MAGI1: variants seen among roughly 807,000 people sequenced by gnomAD.
The protein encoded by MAGI1 is membrane-associated guanylate kinase, WW and PDZ domain-containing protein 1.
In MAGI1, 58 loss-of-function variants were observed where a neutral mutation model predicts 139.9. That is an observed-to-expected ratio of 0.41 (90% CI 0.34 to 0.52). The LOEUF is 0.52. Among genes scored for constraint, MAGI1 ranks in the 20% least tolerant of loss-of-function variants. The pLI is 0.12. For synonymous variants in MAGI1, 812 were observed against 737.9 expected (o/e 1.10, Z -1.63); for missense variants, 1,874 against 1,901.6 (o/e 0.99, Z 0.27).
intron 5 of MAGI1, among the ~76,000 whole-genome samples, chr3:65,460,584 A>T (rs931772176): frequency 1.3e-5 from 2 of 152,124 alleles, no homozygotes; most frequent in African/African-American, 4.8e-5. Context: ...TCAGGGATAC[A>T]TGTGCAGAAC....
At chr3:65,919,699 CTCT>C (rs2062082344) in intron 1 of MAGI1, among the ~76,000 whole-genome samples, 2 of 152,014 alleles carry the variant, frequency 1.3e-5, no homozygotes, top group African/African-American at 4.8e-5. Flanking sequence ...CTCTCTCTCT[CTCT>C]CTCTCTCACA....
chr3:65,947,833 G>T (rs923193757), intron 1 of MAGI1, among the ~76,000 whole-genome samples: 3 of 151,828 alleles, frequency 2.0e-5, no homozygotes, highest in Non-Finnish European at 4.4e-5. Context: ...ACCCAGGCTG[G>T]TCCCAAACCC....
intron 1 of MAGI1, among the ~76,000 whole-genome samples, chr3:65,625,822 C>T (rs557871716): frequency 2.6e-5 from 4 of 152,246 alleles, no homozygotes; most frequent in African/African-American, 9.6e-5. Flanking sequence ...AAGGATATTT[C>T]TAGTGTTTCT....
At chr3:65,622,486 G>C (rs946095309) in intron 1 of MAGI1, among the ~76,000 whole-genome samples, 15 of 152,110 alleles carry the variant, frequency 9.9e-5, no homozygotes, top group African/African-American at 3.1e-4. Flanking sequence ...CCAGGGATTC[G>C]AATGGTAGGA....
chr3:65,970,786 G>C (rs1427394194), intron 1 of MAGI1, among the ~76,000 whole-genome samples: 3 of 152,196 alleles, frequency 2.0e-5, no homozygotes, highest in Non-Finnish European at 4.4e-5. Context: ...GCAAGAGTCA[G>C]ATACATTAAG....
intron 2 of MAGI1, among the ~76,000 whole-genome samples, chr3:65,525,821 A>T (rs564047370): frequency 1.3e-5 from 2 of 152,338 alleles, no homozygotes; most frequent in East Asian, 3.9e-4. Context: ...TCACAATTGT[A>T]CAAGTATACA....
intron 2 of MAGI1, among the ~76,000 whole-genome samples, chr3:65,527,067 T>C (rs534437097): frequency 2.4e-4 from 36 of 152,356 alleles, no homozygotes; most frequent in African/African-American, 8.7e-4. Context: ...CTTCTCTTCT[T>C]CCATTGGTGA....
chr3:65,512,890 T>C (rs1365404328), intron 2 of MAGI1, among the ~76,000 whole-genome samples: 3 of 151,340 alleles, frequency 2.0e-5, no homozygotes, highest in African/African-American at 7.3e-5. Flanking sequence ...TGATGAACAT[T>C]GATGAAAAAA....
intron 5 of MAGI1, among the ~76,000 whole-genome samples, chr3:65,459,445 C>T (rs796765981): frequency 5.3e-5 from 8 of 152,310 alleles, no homozygotes; most frequent in African/African-American, 1.7e-4. Context: ...CGGAATACAA[C>T]TGCTATTTAT....
chr3:65,926,244 AAAAT>A (rs1453648228), intron 1 of MAGI1, among the ~76,000 whole-genome samples: 2 of 152,166 alleles, frequency 1.3e-5, no homozygotes, highest in African/African-American at 2.4e-5. Context: ...GGTAGTCTGA[AAAAT>A]AAATACAATG....
rs114857396 is a variant in MAGI1, at chr3:65,940,265, A to G, written c.313+97731T>C. Reference sequence around the variant, plus strand: ...TTACTCTGTATGCCACACTCTCACAAGAAATTAGGGGATGTTTTAGTCCGT... The same window carrying G: ...TTACTCTGTATGCCACACTCTCACAGGAAATTAGGGGATGTTTTAGTCCGT... On this transcript the variant is annotated intron_variant, in intron 1 of 22. Coordinates refer to ENST00000402939, the MANE Select transcript of MAGI1 (RefSeq NM_001033057.2). Among the ~76,000 whole-genome samples, 647 of 152,326 alleles carry G rather than the reference A, an allele frequency of 4.2e-3. 5 individuals are homozygous for G. Among genetic ancestry groups the G allele is most frequent in the African/African-American group, 0.014 (590 of 41,580 alleles).
At chr3:65,554,038 C>T (rs1032005668) in intron 2 of MAGI1, among the ~76,000 whole-genome samples, 1 of 152,068 alleles carries the variant, frequency 6.6e-6, no homozygotes, top group Non-Finnish European at 1.5e-5. Context: ...CCTAATCAAC[C>T]CCTGCTTTCC....
At chr3:65,729,913 T>C (rs1444374018) in intron 1 of MAGI1, among the ~76,000 whole-genome samples, 2 of 152,222 alleles carry the variant, frequency 1.3e-5, no homozygotes, top group Non-Finnish European at 1.5e-5. Context: ...GTTATATAAG[T>C]AGTTCAGAAT....
intron 1 of MAGI1, among the ~76,000 whole-genome samples, chr3:65,676,577 T>G (rs2087203882): frequency 6.6e-6 from 1 of 152,218 alleles, no homozygotes; most frequent in African/African-American, 2.4e-5. Flanking sequence ...TAGGAAAAGC[T>G]GTGTCCAGCA....
chr3:65,618,390 G>A (rs2083482951), intron 2 of MAGI1, among the ~76,000 whole-genome samples: 1 of 152,066 alleles, frequency 6.6e-6, no homozygotes, highest in Non-Finnish European at 1.5e-5. Flanking sequence ...ATCATGTAAT[G>A]ATTTTTTTGA....
At chr3:65,427,674 T>C (rs903399127) in intron 12 of MAGI1, among the ~76,000 whole-genome samples, 1 of 152,162 alleles carries the variant, frequency 6.6e-6, no homozygotes. Flanking sequence ...GGGCAGAACA[T>C]TGGACTGGAA....
At chr3:65,957,947 G>A (rs1469541818) in intron 1 of MAGI1, among the ~76,000 whole-genome samples, 1 of 151,550 alleles carries the variant, frequency 6.6e-6, no homozygotes, top group African/African-American at 2.4e-5. Context: ...TTTGTAGAAA[G>A]GGGGTTTCAC....
intron 1 of MAGI1, among the ~76,000 whole-genome samples, chr3:65,705,439 A>T (rs1171538183): frequency 6.6e-6 from 1 of 152,214 alleles, no homozygotes; most frequent in Non-Finnish European, 1.5e-5. Context: ...GTGAGCATTC[A>T]CTGAATTGTA....
intron 12 of MAGI1, among the ~76,000 whole-genome samples, chr3:65,422,945 TACTTTAAAGC>T (rs1946735369): frequency 6.6e-6 from 1 of 152,076 alleles, no homozygotes; most frequent in Non-Finnish European, 1.5e-5. Flanking sequence ...TGATCTGATG[TACTTTAAAGC>T]ACTGTAGCTG....
Sources: gnomAD v4.1 joint callset for allele counts (sites outside exome capture counted in the v4.1 genomes callset) on GRCh38, gnomAD v4.1.1 for gene constraint, MANE v1.5 for transcripts, NCBI Gene and HGNC (gene_info 2026-07-23, HGNC 2026-07-21) for gene names.